The following CNTNAP2 variants were observed in gnomAD, a reference collection of about 807,000 sequenced individuals.
CNTNAP2 encodes contactin associated protein 2.
In CNTNAP2, 98 loss-of-function variants were observed where a neutral mutation model predicts 155.2. The observed-to-expected ratio is 0.63, with a 90% CI of 0.54 to 0.75. The LOEUF is 0.75. Ranked by LOEUF, CNTNAP2 falls within the 30% of genes least tolerant of loss-of-function variation. CNTNAP2 has a pLI of 0.00. For synonymous variants in CNTNAP2, 651 were observed against 631.2 expected (o/e 1.03, Z -0.47); for missense variants, 1,727 against 1,688.1 (o/e 1.02, Z -0.40).
intron 3 of CNTNAP2, among the ~76,000 whole-genome samples, chr7:146,980,504 C>T (rs1471107065): frequency 6.6e-6 from 1 of 151,978 alleles, no homozygotes; most frequent in Admixed American, 6.6e-5. Flanking sequence ...ACAGGATACC[C>T]AACACTGGGT....
chr7:148,135,838 GAAGAA>G (rs1483889732), intron 16 of CNTNAP2, among the ~76,000 whole-genome samples: 1 of 89,914 alleles, frequency 1.1e-5, no homozygotes, highest in Admixed American at 1.8e-4. Flanking sequence ...GGCTGAGTGA[GAAGAA>G]GAGAAGAGAG....
At chr7:147,148,077 T>C (rs948787796) in intron 8 of CNTNAP2, among the ~76,000 whole-genome samples, 3 of 152,160 alleles carry the variant, frequency 2.0e-5, no homozygotes, top group Non-Finnish European at 4.4e-5. Flanking sequence ...TATAAAGAAA[T>C]CATGCAACAT....
rs546897054 is a variant in CNTNAP2 at position 147,101,296 on chromosome 7, C to T, written c.551-6851C>T. On this transcript the variant is annotated intron_variant, in intron 4 of 23. Transcript: ENST00000361727. ...CAGCTTCTGTGTGATGGTTTTAAGA[C>T]GGGAGAGTTCCCTGGACCCCTTCAC... Among the ~76,000 whole-genome samples, 45 of 152,232 alleles carry T rather than the reference C, an allele frequency of 3.0e-4. 1 individual carries two copies. In the South Asian group the frequency reaches 8.1e-3, roughly 27 times the overall value.
At chr7:147,537,151 T>C (rs1799557102) in intron 11 of CNTNAP2, among the ~76,000 whole-genome samples, 1 of 152,210 alleles carries the variant, frequency 6.6e-6, no homozygotes, top group African/African-American at 2.4e-5. Context: ...TCTTTTAGTC[T>C]AGCATTAAAT....
intron 9 of CNTNAP2, among the ~76,000 whole-genome samples, chr7:147,347,129 A>T (rs905216498): frequency 5.3e-5 from 8 of 152,106 alleles, no homozygotes; most frequent in African/African-American, 1.9e-4. Context: ...GATTTTGATG[A>T]TCAACAAATC....
intron 3 of CNTNAP2, among the ~76,000 whole-genome samples, chr7:146,865,696 G>A (rs1446259396): frequency 1.3e-5 from 2 of 151,988 alleles, no homozygotes; most frequent in East Asian, 3.9e-4. Flanking sequence ...ATATAAAGGA[G>A]AAAATATTCA....
chr7:146,566,742 G>A (rs1798363718), intron 1 of CNTNAP2, among the ~76,000 whole-genome samples: 2 of 151,744 alleles, frequency 1.3e-5, no homozygotes, highest in African/African-American at 4.8e-5. Context: ...TTAAAAAAAA[G>A]GAAAAGTAGA....
At chr7:146,778,565 G>C (rs551022779) in intron 2 of CNTNAP2, among the ~76,000 whole-genome samples, 1 of 152,158 alleles carries the variant, frequency 6.6e-6, no homozygotes, top group Non-Finnish European at 1.5e-5. Flanking sequence ...TCCCAGTCTT[G>C]TGTCATTCTG....
rs1797458547 is a variant in CNTNAP2 at position 148,304,754 on chromosome 7, A to C, written c.3475+37628A>C. Among the ~76,000 whole-genome samples the C allele has an allele frequency of 3.9e-5, 6 of 152,154 alleles. No homozygotes were observed. In the East Asian group the frequency reaches 1.2e-3, roughly 29 times the overall value. ...ACTGTTAGGTGACTCCTGACTATGG[A>C]AGATGAGGATTAGGCTCTTTCACAG... On this transcript the variant is annotated intron_variant, in intron 21 of 23. Transcript: ENST00000361727.
In CNTNAP2 at chr7:146,798,914, C is replaced by CA. The variant is rs562342606; in HGVS notation, c.208+24541dup. On this transcript the variant is annotated intron_variant, in intron 2 of 23. Transcript: ENST00000361727. ...CCATTTTCTCATATTTGTACAGCTG[C>CA]AAAAAAAATATTTTTGAGTACATTA... Among the ~76,000 whole-genome samples the CA allele has an allele frequency of 1.3e-4, 20 of 151,092 alleles. 2 individuals are homozygous for CA. In the South Asian group the frequency reaches 1.5e-3, roughly 11 times the overall value.
At chr7:147,094,559 G>A (rs1306624137) in intron 4 of CNTNAP2, among the ~76,000 whole-genome samples, 2 of 146,558 alleles carry the variant, frequency 1.4e-5, no homozygotes, top group African/African-American at 5.3e-5. Flanking sequence ...CCGCCACCAC[G>A]CCTGGCTATT....
chr7:148,028,400 A>T (rs557086678), intron 15 of CNTNAP2, among the ~76,000 whole-genome samples: 1 of 152,236 alleles, frequency 6.6e-6, no homozygotes, highest in East Asian at 1.9e-4. Flanking sequence ...GAATATGGGA[A>T]AAATCAGTTT....
At chr7:147,107,491 A>G (rs1800790175) in intron 4 of CNTNAP2, among the ~76,000 whole-genome samples, 1 of 152,122 alleles carries the variant, frequency 6.6e-6, no homozygotes, top group African/African-American at 2.4e-5. Context: ...AATGTAGTGA[A>G]AAAACAAACA....
At chr7:147,062,419 T>C (rs548808112) in intron 4 of CNTNAP2, among the ~76,000 whole-genome samples, 20 of 152,228 alleles carry the variant, frequency 1.3e-4, no homozygotes, top group Non-Finnish European at 2.5e-4. Context: ...TTATTTGTGG[T>C]AACCATATTA....
chr7:147,351,144 G>T (rs954327282), intron 9 of CNTNAP2, among the ~76,000 whole-genome samples: 6 of 151,682 alleles, frequency 4.0e-5, no homozygotes, highest in Non-Finnish European at 8.9e-5. Context: ...AATGTATTTG[G>T]TTGGGTAAAA....
chr7:146,186,115 C>T (rs1352339774), intron 1 of CNTNAP2, among the ~76,000 whole-genome samples: 2 of 152,064 alleles, frequency 1.3e-5, no homozygotes, highest in African/African-American at 2.4e-5. Flanking sequence ...AAAACAAACC[C>T]TCTCAATCCC....
chr7:147,795,386 G>A (rs532606792), intron 13 of CNTNAP2, among the ~76,000 whole-genome samples: 65 of 151,726 alleles, frequency 4.3e-4, no homozygotes, highest in Non-Finnish European at 5.0e-4. Flanking sequence ...TTTACTTTTT[G>A]TTTCCTATGT....
chr7:147,571,592 G>A (rs1158184283), intron 12 of CNTNAP2, among the ~76,000 whole-genome samples: 1 of 151,992 alleles, frequency 6.6e-6, no homozygotes, highest in Non-Finnish European at 1.5e-5. Flanking sequence ...GAATGGAATT[G>A]TACTGGATAT....
intron 14 of CNTNAP2, among the ~76,000 whole-genome samples, chr7:147,909,069 C>G (rs1200186757): frequency 6.6e-6 from 1 of 152,044 alleles, no homozygotes; most frequent in Non-Finnish European, 1.5e-5. Context: ...GGAACCTTAG[C>G]TAAAAATTAT....
Sources: gnomAD v4.1 joint callset for allele counts (sites outside exome capture counted in the v4.1 genomes callset) on GRCh38, gnomAD v4.1.1 for gene constraint, MANE v1.5 for transcripts, NCBI Gene and HGNC (gene_info 2026-07-23, HGNC 2026-07-21) for gene names.